STIM2: variants seen among roughly 807,000 people sequenced by gnomAD.
STIM2 encodes stromal interaction molecule 2.
STIM2 carries 31 observed loss-of-function variants against 85.8 expected under a neutral mutation model. The observed-to-expected ratio is 0.36, with a 90% CI of 0.27 to 0.49. The LOEUF (loss-of-function observed/expected upper bound fraction) is 0.49, where lower values mean the gene tolerates loss of function less well. Among genes scored for constraint, STIM2 ranks in the 20% least tolerant of loss-of-function variants. The pLI is 0.98. For synonymous variants in STIM2, 356 were observed against 331.1 expected (o/e 1.08, Z -0.82); for missense variants, 841 against 927.6 (o/e 0.91, Z 1.21).
At chr4:26,994,435 T>G (rs2109124719) in intron 3 of STIM2, among the ~76,000 whole-genome samples, 1 of 151,996 alleles carries the variant, frequency 6.6e-6, no homozygotes, top group African/African-American at 2.4e-5. Flanking sequence ...GACTCCTTGT[T>G]GTCATCTTAT....
At chr4:26,913,968 G>A (rs1724439702) in intron 1 of STIM2, among the ~76,000 whole-genome samples, 1 of 152,102 alleles carries the variant, frequency 6.6e-6, no homozygotes, top group Non-Finnish European at 1.5e-5. Context: ...TGAAGGAGAA[G>A]GCTATCTTAC....
Position 27,002,985 on chromosome 4 carries a change from C to T in STIM2, c.862C>T (p.Arg288Cys), listed in dbSNP as rs773097725. ...TGCTGTAGAAAAGCAAAATTTAGAG[C>T]GCAAAATGATGGATGAAATCAATTA... Residue 288 changes from arginine (R) to cysteine (C), a missense_variant, in exon 7 of 12, where the codon CGC becomes TGC. This residue lies in a region of STIM2 where 408 missense variants were observed against 525.4 expected (regional missense o/e 0.78). Coordinates refer to ENST00000467087, the MANE Select transcript of STIM2 (RefSeq NM_020860.4). 1.5e-5 allele frequency: 24 copies of T among 1,599,372 alleles called. No individual in the cohort carries two copies. Among genetic ancestry groups the T allele is most frequent in the Non-Finnish European group, 1.9e-5 (22 of 1,174,736 alleles).
chr4:26,989,116 G>T (rs1727679091), intron 3 of STIM2, among the ~76,000 whole-genome samples: 1 of 152,122 alleles, frequency 6.6e-6, no homozygotes, highest in African/African-American at 2.4e-5. Flanking sequence ...TGTATTTATA[G>T]TAGAGACAGG....
intron 2 of STIM2, among the ~76,000 whole-genome samples, chr4:26,935,061 A>G (rs1275356959): frequency 6.6e-6 from 1 of 152,150 alleles, no homozygotes; most frequent in Non-Finnish European, 1.5e-5. Context: ...CTTTTCCTAT[A>G]AATTTGCCAC....
intron 1 of STIM2, among the ~76,000 whole-genome samples, chr4:26,894,761 TG>T (rs1227066435): frequency 6.6e-6 from 1 of 152,248 alleles, no homozygotes; most frequent in Non-Finnish European, 1.5e-5. Flanking sequence ...TTTTCAAGAC[TG>T]GGCTATTCTT....
At chr4:26,891,334 A>C (rs1723469120) in intron 1 of STIM2, among the ~76,000 whole-genome samples, 1 of 152,134 alleles carries the variant, frequency 6.6e-6, no homozygotes, top group East Asian at 1.9e-4. Flanking sequence ...CTGCCTTAAG[A>C]CTGTAACCTA....
In STIM2 at chr4:27,003,041, G is replaced by T; in HGVS notation, c.918G>T (p.Glu306Asp). Residue 306 changes from glutamate (E) to aspartate (D), a missense_variant, in exon 7 of 12, where the codon GAG becomes GAT. Glu to Asp is a conservative substitution (Grantham distance 45). Coordinates refer to ENST00000467087, the MANE Select transcript of STIM2 (RefSeq NM_020860.4). The stretch of plus-strand genomic sequence containing the variant: ...AGGAGGAGGCTTGTCGGCTGAGAGA[G>T]CTAAGGGAGGGAGCTGAATGTGAAT... 1 of 1,605,370 alleles carries T rather than the reference G, an allele frequency of 6.2e-7. No homozygotes were observed. Among genetic ancestry groups the T allele is most frequent in the Middle Eastern group, 1.7e-4 (1 of 6,042 alleles).
chr4:26,931,328 A>G (rs1725198836), intron 2 of STIM2, among the ~76,000 whole-genome samples: 1 of 152,160 alleles, frequency 6.6e-6, no homozygotes, highest in South Asian at 2.1e-4. Flanking sequence ...CGGGGAGACA[A>G]ATACAAGGAT....
At chr4:26,872,978 TGAAA>T (rs1722680853) in intron 1 of STIM2, among the ~76,000 whole-genome samples, 1 of 152,054 alleles carries the variant, frequency 6.6e-6, no homozygotes, top group Non-Finnish European at 1.5e-5. Flanking sequence ...TTTGAAGAAA[TGAAA>T]GAGTATCATT....
At chr4:26,999,369 GA>G in intron 5 of STIM2, 22 bp downstream of exon 5, 1 of 1,485,986 alleles carries the variant, frequency 6.7e-7, no homozygotes, top group Non-Finnish European at 9.3e-7. Flanking sequence ...CTCTCACTCA[GA>G]GGATGATGTA....
At chr4:26,900,528 G>A (rs955292365) in intron 1 of STIM2, among the ~76,000 whole-genome samples, 5 of 152,172 alleles carry the variant, frequency 3.3e-5, no homozygotes, top group Admixed American at 2.6e-4. Flanking sequence ...ACAGTAAGAA[G>A]TAAAGTCTTG....
chr4:26,957,637 A>C lies in STIM2; in HGVS notation c.308A>C (p.Lys103Thr). The C allele has an allele frequency of 6.4e-7, 1 of 1,569,662 alleles. No individual in the cohort carries two copies. Among genetic ancestry groups the C allele is most frequent in the Non-Finnish European group, 8.6e-7 (1 of 1,161,312 alleles). Residue 103 changes from lysine (K) to threonine (T), a missense_variant, in exon 3 of 12, where the codon AAA (lysine) becomes ACA (threonine). By Grantham distance (78) the Lys-to-Thr change is moderately conservative. This residue lies in a region of STIM2 where 408 missense variants were observed against 525.4 expected (regional missense o/e 0.78). Transcript: ENST00000467087. ...TTCATCAGAGAAGATATGAAATATAAAGATGCTACTAATAAACACAGCCAT... is the reference window on the plus strand; with the variant it reads ...TTCATCAGAGAAGATATGAAATATACAGATGCTACTAATAAACACAGCCAT...
chr4:26,897,609 A>G (rs555049108), intron 1 of STIM2, among the ~76,000 whole-genome samples: 2 of 152,200 alleles, frequency 1.3e-5, no homozygotes, highest in Admixed American at 6.5e-5. Context: ...TATAAATATC[A>G]TGACATTTCA....
intron 3 of STIM2, among the ~76,000 whole-genome samples, chr4:26,985,399 A>G (rs972356345): frequency 2.3e-4 from 35 of 152,184 alleles, no homozygotes; most frequent in Non-Finnish European, 3.4e-4. Context: ...GTAACACTCA[A>G]TTGAAATTGG....
chr4:26,870,596 C>T (rs1722578304), intron 1 of STIM2, among the ~76,000 whole-genome samples: 1 of 151,928 alleles, frequency 6.6e-6, no homozygotes, highest in Admixed American at 6.6e-5. Flanking sequence ...GATAGATGTA[C>T]ATGTTTTCAG....
intron 2 of STIM2, among the ~76,000 whole-genome samples, chr4:26,927,717 A>T (rs1725016909): frequency 7.3e-6 from 1 of 137,808 alleles, no homozygotes; most frequent in South Asian, 2.3e-4. Flanking sequence ...ACTTGAATAA[A>T]AAAAAAAACT....
Position 27,008,760 on chromosome 4 carries a change from C to G in STIM2, c.1251-4C>G. On this transcript the variant is annotated splice_polypyrimidine_tract_variant and splice_region_variant and intron_variant, in intron 9 of 11. Transcript: ENST00000467087. ...GTAAGTAATTTCTTTATTGGCTTTT[C>G]CAGGAAAGCTCTCTCTGAGTTGACA... 6.2e-7 allele frequency: 1 copy of G among 1,613,754 alleles called. No individual in the cohort carries two copies. Among genetic ancestry groups the G allele is most frequent in the Non-Finnish European group, 8.5e-7 (1 of 1,179,818 alleles).
At position 27,025,164 on chromosome 4, in the gene STIM2, T is replaced by C. The variant is rs1052011689; in HGVS notation, c.*2168T>C. On this transcript the variant is annotated 3_prime_UTR_variant, in exon 12 of 12. Transcript: ENST00000467087. ...ACCAAGGGATATTTACTGCTTTATG[T>C]TGCTTATGATAATTATTTTGCATTA... The C allele has an allele frequency of 1.3e-5, 2 of 152,208 alleles. No individual in the cohort carries two copies. Among genetic ancestry groups the C allele is most frequent in the African/African-American group, 4.8e-5 (2 of 41,462 alleles). 9.4% of individuals were successfully genotyped at this position (152,208 alleles called of 1,614,324 possible).
chr4:26,908,277 G>A (rs903813173), intron 1 of STIM2, among the ~76,000 whole-genome samples: 2 of 152,156 alleles, frequency 1.3e-5, no homozygotes, highest in African/African-American at 4.8e-5. Context: ...TTTCTTGACA[G>A]GTTGTGAGAT....
Sources: allele counts gnomAD v4.1 joint callset (sites outside exome capture counted in the v4.1 genomes callset), GRCh38; gene constraint gnomAD v4.1.1; regional missense constraint gnomAD v4.1.1; transcripts MANE v1.5; gene names NCBI Gene and HGNC (gene_info 2026-07-23, HGNC 2026-07-21).